SLC25A12: variants seen among roughly 807,000 people sequenced by gnomAD.
The protein encoded by SLC25A12 is electrogenic aspartate/glutamate antiporter SLC25A12, mitochondrial.
A neutral mutation model predicts 83.3 loss-of-function variants in SLC25A12; 32 were observed. The ratio of observed to expected loss-of-function variants is 0.38; its 90% confidence interval spans 0.29 to 0.52. The LOEUF is 0.52. Among genes scored for constraint, SLC25A12 ranks in the 20% least tolerant of loss-of-function variants. SLC25A12 has a pLI of 0.84. For synonymous variants in SLC25A12, 267 were observed against 291.1 expected (o/e 0.92, Z 0.84); for missense variants, 611 against 835.6 (o/e 0.73, Z 3.31).
rs1423056428 is a variant in SLC25A12 at position 171,834,746 on chromosome 2, T to C, written c.732A>G (p.Lys244=). ...KIYSTLAGTR[K]DVEVTKEEFA... is the part of the protein sequence containing the mutation. ...TCTTACCCTTTGTGACTTCAACATCTTTCCTTGTGCCAGCTAGAGTGCTAT... is the reference window on the plus strand; with the variant it reads ...TCTTACCCTTTGTGACTTCAACATCCTTCCTTGTGCCAGCTAGAGTGCTAT... The change falls in exon 7 of 18, where the codon AAA becomes AAG. Residue 244 remains lysine (K), a synonymous_variant. Transcript: ENST00000422440. 1.4e-5 allele frequency: 23 copies of C among 1,613,720 alleles called. No individual in the cohort carries two copies. Among genetic ancestry groups the C allele is most frequent in the Non-Finnish European group, 1.9e-5 (22 of 1,179,958 alleles).
chr2:171,841,355 C>T (rs978744745), intron 5 of SLC25A12, among the ~76,000 whole-genome samples: 2 of 152,078 alleles, frequency 1.3e-5, no homozygotes, highest in African/African-American at 4.8e-5. Flanking sequence ...GCTGGGATTA[C>T]AGGCGTGAGC....
chr2:171,842,978 G>A (rs1013874258), intron 5 of SLC25A12, among the ~76,000 whole-genome samples: 1 of 151,944 alleles, frequency 6.6e-6, no homozygotes, highest in Non-Finnish European at 1.5e-5. Flanking sequence ...TCACCACCTC[G>A]CCTGGCTAAT....
chr2:171,794,698 A>G (rs1683561622), intron 13 of SLC25A12, among the ~76,000 whole-genome samples: 1 of 152,126 alleles, frequency 6.6e-6, no homozygotes, highest in African/African-American at 2.4e-5. Flanking sequence ...AATAAAATAT[A>G]TATCTCCTTT....
At chr2:171,824,337 G>T (rs1238362943) in intron 9 of SLC25A12, among the ~76,000 whole-genome samples, 1 of 152,178 alleles carries the variant, frequency 6.6e-6, no homozygotes, top group Non-Finnish European at 1.5e-5. Context: ...GCCAAAGATT[G>T]CAAAACAAGC....
In SLC25A12 at chr2:171,784,820, G is replaced by A. The variant is rs1690457496; in HGVS notation, c.*454C>T. On this transcript the variant is annotated 3_prime_UTR_variant, in exon 18 of 18. Transcript: ENST00000422440. The stretch of plus-strand genomic sequence containing the variant: ...CTTTATTTCCATAAGTCACCAATAA[G>A]AGAATGAATTTAATTTTAATACATT... The A allele has an allele frequency of 5.3e-6, 1 of 188,150 alleles. No homozygotes were observed. The highest frequency in any genetic ancestry group is 2.3e-5 in the African/African-American group (1 of 42,586). The allele number at this position is 188,150 out of a possible 1,614,324, so 11.7% of individuals were successfully genotyped here.
At chr2:171,805,275 A>AT (rs1405727873) in intron 13 of SLC25A12, among the ~76,000 whole-genome samples, 1 of 151,696 alleles carries the variant, frequency 6.6e-6, no homozygotes, top group Non-Finnish European at 1.5e-5. Flanking sequence ...CACCTGGCTA[A>AT]TTTTTTTGTA....
intron 6 of SLC25A12, 90 bp downstream of exon 6, chr2:171,837,031 G>A: frequency 8.2e-7 from 1 of 1,215,026 alleles, no homozygotes; most frequent in Non-Finnish European, 1.2e-6. Flanking sequence ...GAATAGTTGA[G>A]AGTCATATGA....
intron 8 of SLC25A12, among the ~76,000 whole-genome samples, chr2:171,833,447 G>C (rs1337112567): frequency 6.6e-6 from 1 of 152,106 alleles, no homozygotes; most frequent in African/African-American, 2.4e-5. Flanking sequence ...GACACAGGGA[G>C]CCTTCACTTC....
At chr2:171,790,512 A>G (rs1685695683) in intron 15 of SLC25A12, among the ~76,000 whole-genome samples, 1 of 151,996 alleles carries the variant, frequency 6.6e-6, no homozygotes, top group African/African-American at 2.4e-5. Context: ...TTCAAATGAA[A>G]TCTCTTCTGT....
chr2:171,867,499 G>C (rs915520736), intron 3 of SLC25A12, among the ~76,000 whole-genome samples: 24 of 150,648 alleles, frequency 1.6e-4, no homozygotes, highest in African/African-American at 5.1e-4. Context: ...CAGGTGTGGC[G>C]GCGTGCGCCT....
chr2:171,849,851 CG>C (rs1684884631), intron 4 of SLC25A12, among the ~76,000 whole-genome samples: 1 of 151,764 alleles, frequency 6.6e-6, no homozygotes. Flanking sequence ...CCACCGTGCC[CG>C]GCCCAGTGGC....
In SLC25A12 at chr2:171,834,840, T is replaced by C. The variant is rs1460931979; in HGVS notation, c.638A>G (p.Gln213Arg). ...TGCATTGAAGTAGGAGAAGCTAACC[T>C]GGTGTGAGATACTTCCTCCAGCTGC... ...VSAAGGSISHQVSFSYFNAFN... is the reference protein window; with the variant it reads ...VSAAGGSISHRVSFSYFNAFN... Residue 213 changes from glutamine (Q) to arginine (R), a missense_variant, in exon 7 of 18, where the codon CAG becomes CGG. This residue lies in a region of SLC25A12 where 540 missense variants were observed against 777.5 expected (regional missense o/e 0.69). Transcript: ENST00000422440. The C allele has an allele frequency of 1.2e-6, 2 of 1,613,918 alleles. No individual in the cohort carries two copies. Among genetic ancestry groups the C allele is most frequent in the Non-Finnish European group, 1.7e-6 (2 of 1,179,920 alleles).
chr2:171,865,045 A>T (rs895406467), intron 3 of SLC25A12, among the ~76,000 whole-genome samples: 2 of 152,202 alleles, frequency 1.3e-5, no homozygotes, highest in African/African-American at 2.4e-5. Flanking sequence ...TTTTCATCAT[A>T]GTACTTACAG....
At chr2:171,794,333 T>C (rs540337743) in intron 13 of SLC25A12, among the ~76,000 whole-genome samples, 13 of 152,128 alleles carry the variant, frequency 8.5e-5, no homozygotes, top group Non-Finnish European at 1.8e-4. Context: ...AAATGTATTA[T>C]CCTAAGCAAA....
At chr2:171,881,147 T>TTTTTTTGTTG (rs1553477533) in intron 2 of SLC25A12, among the ~76,000 whole-genome samples, 1 of 151,970 alleles carries the variant, frequency 6.6e-6, no homozygotes, top group Non-Finnish European at 1.5e-5. Context: ...ATTTTCTTTT[T>TTTTTTTGTTG]TTGTTGTTGT....
chr2:171,804,542 T>C (rs1683782584), intron 13 of SLC25A12, among the ~76,000 whole-genome samples: 1 of 152,156 alleles, frequency 6.6e-6, no homozygotes, highest in Admixed American at 6.5e-5. Context: ...ATTATAAGCA[T>C]GAGCCACCAC....
At chr2:171,824,523 T>C (rs906272750) in intron 9 of SLC25A12, among the ~76,000 whole-genome samples, 12 of 152,322 alleles carry the variant, frequency 7.9e-5, no homozygotes, top group Non-Finnish European at 1.3e-4. Flanking sequence ...CAGGGAGAGC[T>C]ATATCAATAG....
intron 2 of SLC25A12, among the ~76,000 whole-genome samples, chr2:171,888,812 T>A (rs1440418680): frequency 1.3e-5 from 2 of 152,180 alleles, no homozygotes; most frequent in Non-Finnish European, 2.9e-5. Context: ...TATTTGAAAG[T>A]AGGAATTTTT....
At chr2:171,868,432 G>C (rs1377050385) in intron 3 of SLC25A12, among the ~76,000 whole-genome samples, 3 of 150,474 alleles carry the variant, frequency 2.0e-5, no homozygotes, top group East Asian at 2.0e-4. Context: ...TCCTCCCTCA[G>C]CCTCCCGAGT....
Sources: allele counts gnomAD v4.1 joint callset (sites outside exome capture counted in the v4.1 genomes callset), GRCh38; gene constraint gnomAD v4.1.1; regional missense constraint gnomAD v4.1.1; transcripts MANE v1.5; gene names NCBI Gene and HGNC (gene_info 2026-07-23, HGNC 2026-07-21).